CAMKK1: variants seen among roughly 807,000 people sequenced by gnomAD.
The protein encoded by CAMKK1 is calcium/calmodulin dependent protein kinase kinase 1, also known as calcium/calmodulin-dependent protein kinase kinase 1.
CAMKK1 carries 20 observed loss-of-function variants against 63.5 expected under a neutral mutation model. That is an observed-to-expected ratio of 0.32 (90% CI 0.22 to 0.46). The LOEUF is 0.46. Among genes scored for constraint, CAMKK1 ranks in the 20% least tolerant of loss-of-function variants. CAMKK1 has a pLI of 1.00. For synonymous variants in CAMKK1, 253 were observed against 269.0 expected, an observed-to-expected ratio of 0.94 and a Z score of 0.58; for missense variants, 588 against 658.1, an observed-to-expected ratio of 0.89 and a Z score of 1.17.
In CAMKK1 at chr17:3,880,440, G is replaced by T. The variant is rs747419940; in HGVS notation, c.708-6C>A. On this transcript the variant is annotated splice_polypyrimidine_tract_variant and splice_region_variant and intron_variant, in intron 8 of 15. Coordinates refer to ENST00000348335, the MANE Select transcript of CAMKK1 (RefSeq NM_032294.3). ...AGGGCACTTCCATGACGGGCCTATG[G>T]AGAAGGATGCGGGGAGGGGCATTCA... is the stretch of plus-strand genomic sequence containing the variant. 6.2e-7 allele frequency: 1 copy of T among 1,612,542 alleles called. No individual in the cohort carries two copies. Among genetic ancestry groups the T allele is most frequent in the South Asian group, 1.1e-5 (1 of 90,758 alleles).
chr17:3,863,499 AAAAC>A (rs1167431048), intron 15 of CAMKK1, among the ~76,000 whole-genome samples: 26 of 152,334 alleles, frequency 1.7e-4, no homozygotes, highest in Non-Finnish European at 8.8e-5. Context: ...ACTCCATCTC[AAAAC>A]AAACAAACAA....
chr17:3,883,993 G>T lies in CAMKK1; in HGVS notation c.409-56C>A, dbSNP rs1163575185. 19 of 1,566,196 alleles carry T rather than the reference G, an allele frequency of 1.2e-5. No homozygotes were observed. In the East Asian group the frequency reaches 3.8e-4, roughly 31 times the overall value. ...GACAGGGCAACCCCTCCCAGGACCA[G>T]CTCAGGAGGTGGGGAGCCGAGCAGC... On this transcript the variant is annotated intron_variant, in intron 3 of 15. Transcript: ENST00000348335. The surrounding 1 kb of genome is among the most constrained non-coding windows in gnomAD (Gnocchi z 4.7).
At chr17:3,878,064 C>A (rs892124403) in intron 9 of CAMKK1, among the ~76,000 whole-genome samples, 7 of 152,192 alleles carry the variant, frequency 4.6e-5, no homozygotes, top group Admixed American at 3.9e-4. Context: ...ATCCTCAATT[C>A]CTCCTCTGAG....
At chr17:3,873,374 C>A in intron 11 of CAMKK1, 35 bp downstream of exon 11, 1 of 1,609,992 alleles carries the variant, frequency 6.2e-7, no homozygotes, top group South Asian at 1.1e-5. Flanking sequence ...CCTCACTGGA[C>A]CCGCCCCAGC....
chr17:3,878,099 G>C (rs1166492185), intron 9 of CAMKK1, among the ~76,000 whole-genome samples: 2 of 152,104 alleles, frequency 1.3e-5, no homozygotes, highest in Non-Finnish European at 2.9e-5. Context: ...TCATCAGCAA[G>C]GTCTGTGAGC....
rs9915382 is a variant in CAMKK1 at position 3,862,495 on chromosome 17, C to G, written c.1446-212G>C. Among the ~76,000 whole-genome samples the G allele has an allele frequency of 0.12, 17,496 of 152,132 alleles. 2,042 individuals carry two copies. Among genetic ancestry groups the G allele is most frequent in the African/African-American group, 0.29 (12,166 of 41,446 alleles). On this transcript the variant is annotated intron_variant, in intron 15 of 15. Transcript: ENST00000348335. This position sits in a 1 kb window ranked among gnomAD's most constrained non-coding sequence, Gnocchi z 4.1. ...CCCCCAGTCTCAGCCCGCAACGCCT[C>G]CGTGGCCCCCCATTGACCAGAGATG...
chr17:3,869,370 A>C, intron 14 of CAMKK1, 117 bp downstream of exon 14: 1 of 1,408,912 alleles, frequency 7.1e-7, no homozygotes, highest in Non-Finnish European at 9.6e-7. Flanking sequence ...CCAGTGGCCC[A>C]GGATCACAGC....
In CAMKK1 at chr17:3,879,084, G is replaced by T; in HGVS notation, c.796+1262C>A. The T allele has an allele frequency of 6.6e-6, 1 of 152,500 alleles. No homozygotes were observed. Among genetic ancestry groups the T allele is most frequent in the Non-Finnish European group, 1.5e-5 (1 of 68,218 alleles). The allele number at this position is 152,500 out of a possible 1,614,324, so 9.4% of individuals were successfully genotyped here. A position where few individuals can be genotyped will look rare whatever the true frequency, so the allele number is the denominator to read the frequency against. Reference sequence around the variant, plus strand: ...CCACCTCGGCCTCCCAAAGTGCTGGGATTACAGGCATGAGCCCCTGCGCCT... The same window carrying T: ...CCACCTCGGCCTCCCAAAGTGCTGGTATTACAGGCATGAGCCCCTGCGCCT... On this transcript the variant is annotated intron_variant, in intron 9 of 15. Transcript: ENST00000348335. This position sits in a 1 kb window ranked among gnomAD's most constrained non-coding sequence, Gnocchi z 4.5.
At chr17:3,871,334 T>G (rs12602572) in intron 12 of CAMKK1, among the ~76,000 whole-genome samples, 10,929 of 53,086 alleles carry the variant, frequency 0.21, 1,037 homozygotes, top group African/African-American at 0.48. Context: ...TTGTTTTTTG[T>G]TTTTTTTTTT....
At chr17:3,876,526 C>T in intron 9 of CAMKK1, 104 bp from the exon 10 acceptor site, 1 of 966,316 alleles carries the variant, frequency 1.0e-6, no homozygotes, top group Non-Finnish European at 1.6e-6. Context: ...GACATCCCAG[C>T]CCATGCACAC....
rs201476330 is a variant in CAMKK1, at chr17:3,880,423, T to G, written c.719A>C (p.Glu240Ala). Reference sequence around the variant, plus strand: ...CGAGAAGGGCTTGTCACAGGGCACTTCCATGACGGGCCTATGGAGAAGGAT... The same window carrying G: ...CGAGAAGGGCTTGTCACAGGGCACTGCCATGACGGGCCTATGGAGAAGGAT... ...FDLLRKGPVM[E>A]VPCDKPFSEE... Residue 240 changes from glutamate to alanine, a missense_variant, in exon 9 of 16, where the codon GAA becomes GCA. Transcript: ENST00000348335. The G allele has an allele frequency of 1.5e-5, 24 of 1,613,434 alleles. No individual in the cohort carries two copies. The highest frequency in any genetic ancestry group is 2.0e-5 in the Non-Finnish European group (24 of 1,179,816).
intron 14 of CAMKK1, 142 bp downstream of exon 14, chr17:3,869,345 A>T: frequency 2.6e-6 from 3 of 1,142,954 alleles, no homozygotes; most frequent in South Asian, 3.1e-5. Context: ...ATGGGCCTCC[A>T]GCAGAATGGC....
At chr17:3,888,198 C>T (rs897859367) in intron 1 of CAMKK1, among the ~76,000 whole-genome samples, 5 of 152,212 alleles carry the variant, frequency 3.3e-5, no homozygotes, top group South Asian at 2.1e-4. Context: ...CAGGCAGAAG[C>T]CACAGGCTGC....
rs2054742386 is a variant in CAMKK1 at position 3,869,511 on chromosome 17, CCTGA to C, written c.1313_1316del (p.Val438GlyfsTer9). On this transcript the variant is annotated frameshift_variant, in exon 14 of 16. Coordinates refer to ENST00000348335, the MANE Select transcript of CAMKK1 (RefSeq NM_032294.3). LOFTEE classifies it high-confidence loss of function. ...CCACCGTGGTCCAGCTGGGGATGAG[CCTGA>C]CTGAGTTCTTAACCTCCTCCTCTGT... 3 of 1,614,224 alleles carry C rather than the reference CCTGA, an allele frequency of 1.9e-6. No homozygotes were observed. Among genetic ancestry groups the C allele is most frequent in the Non-Finnish European group, 2.5e-6 (3 of 1,180,040 alleles).
At chr17:3,877,729 C>A (rs754727095) in intron 9 of CAMKK1, among the ~76,000 whole-genome samples, 1 of 152,120 alleles carries the variant, frequency 6.6e-6, no homozygotes, top group Non-Finnish European at 1.5e-5. Flanking sequence ...TCTGACACAC[C>A]CTTCAGGGCA....
At position 3,890,287 on chromosome 17, in the gene CAMKK1, C is replaced by T. The variant is rs753514; in HGVS notation, c.-44+2652G>A. Among the ~76,000 whole-genome samples, 28,324 of 152,124 alleles carry T rather than the reference C, an allele frequency of 0.19. 3,398 individuals are homozygous for T. The highest frequency in any genetic ancestry group is 0.27 in the Non-Finnish European group (18,260 of 67,936). ...TTGACGACTCCTGCTGTGAGGACGC[C>T]CGCTCCCACCATCCCTGGGGAGCCC... On this transcript the variant is annotated intron_variant, in intron 1 of 15. Transcript: ENST00000348335. The surrounding 1 kb of genome is among the most constrained non-coding windows in gnomAD (Gnocchi z 6.5).
At position 3,883,321 on chromosome 17, in the gene CAMKK1, G is replaced by A. The variant is rs192161487; in HGVS notation, c.514+108C>T. 209 of 1,465,434 alleles carry A rather than the reference G, an allele frequency of 1.4e-4. No individual in the cohort carries two copies. The African/African-American group carries it at 2.1e-3, about 15-fold the overall frequency. The allele number at this position is 1,465,434 out of a possible 1,614,324, so 90.8% of individuals were successfully genotyped here. A position where few individuals can be genotyped will look rare whatever the true frequency, so the allele number is the denominator to read the frequency against. ...ATTCTGTCCCCAGGCCTCTGCTCACGCTGTCTCCCTCTCTACCCCATTCCT... is the reference window on the plus strand; with the variant it reads ...ATTCTGTCCCCAGGCCTCTGCTCACACTGTCTCCCTCTCTACCCCATTCCT... On this transcript the variant is annotated intron_variant, in intron 5 of 15. Coordinates refer to ENST00000348335, the MANE Select transcript of CAMKK1 (RefSeq NM_032294.3). This position sits in a 1 kb window ranked among gnomAD's most constrained non-coding sequence, Gnocchi z 4.7.
chr17:3,884,297 C>A lies in CAMKK1; in HGVS notation c.408+83G>T, dbSNP rs2055546797. The A allele has an allele frequency of 2.0e-6, 3 of 1,472,730 alleles. No individual in the cohort carries two copies. Among genetic ancestry groups the A allele is most frequent in the Middle Eastern group, 1.7e-4 (1 of 5,794 alleles). 91.2% of individuals were successfully genotyped at this position (1,472,730 alleles called of 1,614,324 possible). ...GCTAGGACTTGCCTGGCTCTGCCTCCCGTTCCCTCCCACACGAGAGAAGGA... is the reference window on the plus strand; with the variant it reads ...GCTAGGACTTGCCTGGCTCTGCCTCACGTTCCCTCCCACACGAGAGAAGGA... On this transcript the variant is annotated intron_variant, in intron 3 of 15. Transcript: ENST00000348335. This position sits in a 1 kb window ranked among gnomAD's most constrained non-coding sequence, Gnocchi z 4.5.
chr17:3,870,405 G>C (rs978635476), intron 12 of CAMKK1, among the ~76,000 whole-genome samples: 1 of 151,502 alleles, frequency 6.6e-6, no homozygotes, highest in South Asian at 2.1e-4. Flanking sequence ...TCGCTCTGTG[G>C]CCCAGGCTGG....
Sources: allele counts gnomAD v4.1 joint callset (sites outside exome capture counted in the v4.1 genomes callset), GRCh38; gene constraint gnomAD v4.1.1; non-coding constraint Gnocchi (gnomAD v3.1); transcripts MANE v1.5; gene names NCBI Gene and HGNC (gene_info 2026-07-23, HGNC 2026-07-21).